IGSF5: variants seen among roughly 807,000 people sequenced by gnomAD.
The protein encoded by IGSF5 is immunoglobulin superfamily member 5, also known as immunoglobulin superfamily 5 like.
In IGSF5, 41 loss-of-function variants were observed where a neutral mutation model predicts 39.4. That is an observed-to-expected ratio of 1.04 (90% CI 0.81 to 1.35). The LOEUF (loss-of-function observed/expected upper bound fraction) is 1.35. Among genes scored for constraint, IGSF5 ranks in the 40% most tolerant of loss-of-function variants. The pLI, the probability that IGSF5 is intolerant of heterozygous loss-of-function variation, is 0.00. For missense variants in IGSF5, 487 were observed against 494.6 expected (o/e 0.98, Z 0.15); for synonymous variants, 183 against 175.3 (o/e 1.04, Z -0.34).
At chr21:39,752,848 CT>C (rs930723034) in intron 2 of IGSF5, among the ~76,000 whole-genome samples, 50 of 148,910 alleles carry the variant, frequency 3.4e-4, no homozygotes, top group Non-Finnish European at 5.2e-4. Flanking sequence ...TAGACTTATT[CT>C]TTTTTTTTTC....
chr21:39,727,637 C>A, the IGSF5 span: 1 of 152,280 alleles, frequency 6.6e-6, no homozygotes, highest in Non-Finnish European at 1.5e-5. Context: ...CACGTCCCAA[C>A]CATGGTCCCT....
chr21:39,728,813 C>A, the IGSF5 span, among the ~76,000 whole-genome samples: 2 of 151,754 alleles, frequency 1.3e-5, no homozygotes, highest in African/African-American at 4.8e-5. Flanking sequence ...ATTTTCTGAC[C>A]GCCTATTATG....
intron 5 of IGSF5, among the ~76,000 whole-genome samples, chr21:39,784,495 T>C (rs754957396): frequency 9.9e-5 from 15 of 152,192 alleles, no homozygotes; most frequent in Non-Finnish European, 2.2e-4. Context: ...TACTATCCTA[T>C]AGATTGGTAG....
chr21:39,723,557 T>A, the IGSF5 span, among the ~76,000 whole-genome samples: 2 of 152,150 alleles, frequency 1.3e-5, no homozygotes, highest in African/African-American at 4.8e-5. Context: ...ATCTGAGAGT[T>A]TGCCTTCAAG....
intron 5 of IGSF5, among the ~76,000 whole-genome samples, chr21:39,781,127 T>C (rs751019949): frequency 3.4e-4 from 52 of 152,180 alleles, no homozygotes; most frequent in Non-Finnish European, 6.6e-4. Context: ...CTCGATGAAT[T>C]TGGTTTGTGA....
the IGSF5 span, among the ~76,000 whole-genome samples, chr21:39,733,852 A>G: frequency 6.6e-6 from 1 of 152,040 alleles, no homozygotes; most frequent in Non-Finnish European, 1.5e-5. Flanking sequence ...CCTTCTCCCT[A>G]TGTGTCTTCA....
intron 3 of IGSF5, among the ~76,000 whole-genome samples, chr21:39,766,154 T>A (rs2080086711): frequency 6.6e-6 from 1 of 152,182 alleles, no homozygotes; most frequent in Non-Finnish European, 1.5e-5. Flanking sequence ...ATTGTTTCGT[T>A]GATTTATCCC....
intron 2 of IGSF5, among the ~76,000 whole-genome samples, chr21:39,760,447 T>C (rs2080055411): frequency 6.6e-6 from 1 of 152,168 alleles, no homozygotes; most frequent in Non-Finnish European, 1.5e-5. Context: ...GGCCGGTCAC[T>C]GCACATGTGA....
rs768818137 is a variant in IGSF5 at position 39,771,171 on chromosome 21, G to T, written c.674G>T (p.Arg225Leu). The T allele has an allele frequency of 6.3e-6, 10 of 1,599,458 alleles. No individual in the cohort carries two copies. The highest frequency in any genetic ancestry group is 1.1e-5 in the South Asian group (1 of 88,188). The change falls in exon 4 of 9, where the codon CGC becomes CTC. Residue 225 changes from arginine (R) to leucine (L), a missense_variant. Transcript: ENST00000380588. Reference sequence around the variant, plus strand: ...GCTACCTGGAAGAGCCTGAAGGCCCGCAAGTCTGCAACTGTAAATCTCACT... The same window carrying T: ...GCTACCTGGAAGAGCCTGAAGGCCCTCAAGTCTGCAACTGTAAATCTCACT... Reference protein sequence around the residue: ...CVATWKSLKARKSATVNLTVI... With the variant: ...CVATWKSLKALKSATVNLTVI...
At chr21:39,775,998 T>C (rs377464986) in intron 4 of IGSF5, among the ~76,000 whole-genome samples, 14 of 152,206 alleles carry the variant, frequency 9.2e-5, no homozygotes, top group African/African-American at 3.4e-4. Flanking sequence ...CACTCTGTCC[T>C]GAGCGTCTTG....
chr21:39,746,220 A>G lies in IGSF5; in HGVS notation c.22A>G (p.Thr8Ala). 1 of 701,900 alleles carries G rather than the reference A, an allele frequency of 1.4e-6. No individual in the cohort carries two copies. The highest frequency in any genetic ancestry group is 2.6e-6 in the Non-Finnish European group (1 of 384,792). The allele number at this position is 701,900 out of a possible 1,614,324, so 43.5% of individuals were successfully genotyped here. The change falls in exon 2 of 9, where the codon ACA becomes GCA. Residue 8 changes from threonine (T) to alanine (A), a missense_variant. Thr to Ala is a moderately conservative substitution (Grantham distance 58, BLOSUM62 0). Coordinates refer to ENST00000380588, the MANE Select transcript of IGSF5 (RefSeq NM_001080444.2). ...ATGGGCGCCTCACTGGATCAGGAGC[A>G]CAGCAGATACTCTGCCGGATCTGGA... is the stretch of plus-strand genomic sequence containing the variant. MGQKERSTADTLPDLEEW... is the reference protein window; with the variant it reads MGQKERSAADTLPDLEEW...
chr21:39,739,545 GCT>G, the IGSF5 span, among the ~76,000 whole-genome samples: 1 of 152,272 alleles, frequency 6.6e-6, no homozygotes, highest in East Asian at 1.9e-4. Flanking sequence ...TCCCAGCTAG[GCT>G]TAGGGATTCT....
At chr21:39,759,492 G>T (rs1282396764) in intron 2 of IGSF5, among the ~76,000 whole-genome samples, 1 of 152,080 alleles carries the variant, frequency 6.6e-6, no homozygotes, top group Non-Finnish European at 1.5e-5. Context: ...TTTCAGCCGT[G>T]GTTACAAAAA....
chr21:39,760,250 T>C (rs9983659), intron 2 of IGSF5, among the ~76,000 whole-genome samples: 59,467 of 152,040 alleles, frequency 0.39, 11,953 homozygotes, highest in Admixed American at 0.52. Flanking sequence ...GTAGTTGTTA[T>C]GGATCACTTC....
chr21:39,745,793 G>A (rs1193601086), intron 1 of IGSF5, among the ~76,000 whole-genome samples: 1 of 152,158 alleles, frequency 6.6e-6, no homozygotes, highest in Non-Finnish European at 1.5e-5. Flanking sequence ...GTTTTTAACT[G>A]GCCGACAGGT....
At chr21:39,727,520 A>T in the IGSF5 span, among the ~76,000 whole-genome samples, 29 of 152,212 alleles carry the variant, frequency 1.9e-4, no homozygotes, top group African/African-American at 6.8e-4. Context: ...GGCAACCAAG[A>T]GCTCAGACCC....
chr21:39,733,042 A>G, the IGSF5 span, among the ~76,000 whole-genome samples: 3 of 152,206 alleles, frequency 2.0e-5, no homozygotes, highest in Admixed American at 6.5e-5. Flanking sequence ...ATAATAATAA[A>G]ATTAAAAAAA....
intron 2 of IGSF5, among the ~76,000 whole-genome samples, chr21:39,753,121 T>C (rs534635223): frequency 1.3e-5 from 2 of 152,290 alleles, no homozygotes; most frequent in South Asian, 4.1e-4. Flanking sequence ...TCTTAGAGTT[T>C]TGGATCATAG....
In IGSF5 at chr21:39,779,107, A is replaced by C. The variant is rs2080155923; in HGVS notation, c.736A>C (p.Asn246His). Residue 246 changes from asparagine to histidine, a missense_variant, in exon 5 of 9, where the codon AAT (asparagine) becomes CAT (histidine). By Grantham distance (68) the Asn-to-His change is moderately conservative. Transcript: ENST00000380588. ...RCPQDTGGGI[N>H]IPGVLSSLPS... ...TTCTTTAGACACTGGAGGTGGTATT[A>C]ATATTCCAGGTGTATTATCAAGTTT... The C allele has an allele frequency of 6.2e-7, 1 of 1,612,348 alleles. No homozygotes were observed.
Sources: allele counts gnomAD v4.1 joint callset (sites outside exome capture counted in the v4.1 genomes callset), GRCh38; gene constraint gnomAD v4.1.1; transcripts MANE v1.5; gene names NCBI Gene and HGNC (gene_info 2026-07-23, HGNC 2026-07-21).